The following PRR33 variants were observed in gnomAD, a reference collection of about 807,000 sequenced individuals.
PRR33 encodes proline rich 33, also known as proline-rich protein 33.
PRR33 carries 1 observed loss-of-function variant against 0.5 expected under a neutral mutation model. That is an observed-to-expected ratio of 2.18 (90% CI 0.77 to 10.34). PRR33 has a LOEUF of 10.34. PRR33 is among the 30% of genes most tolerant of loss of function. The pLI is 0.13. For missense variants in PRR33, 552 were observed against 251.8 expected, an observed-to-expected ratio of 2.19 and a Z score of -8.07; for synonymous variants, 226 against 110.0, an observed-to-expected ratio of 2.06 and a Z score of -6.60.
At chr11:1,913,183 T>C in the PRR33 span, among the ~76,000 whole-genome samples, 1 of 152,172 alleles carries the variant, frequency 6.6e-6, no homozygotes, top group South Asian at 2.1e-4. Flanking sequence ...CAGGCTGGAG[T>C]GCAGTGGCAC....
At chr11:1,913,097 T>C in the PRR33 span, among the ~76,000 whole-genome samples, 1 of 151,898 alleles carries the variant, frequency 6.6e-6, no homozygotes, top group Admixed American at 6.6e-5. Context: ...TGTTCTGGGG[T>C]AATCCATACT....
At chr11:1,889,191 T>C in exon 1 of PRR33, 1 of 675,188 alleles carries the variant, frequency 1.5e-6, no homozygotes, top group Non-Finnish European at 2.7e-6. Context: ...GTTCTTGGGC[T>C]GGGGGCTCAG....
chr11:1,903,218 T>C, the PRR33 span: 2 of 150,744 alleles, frequency 1.3e-5, no homozygotes, highest in Admixed American at 6.6e-5. Flanking sequence ...ACACAGCCTC[T>C]GCCTCCCGCC....
At chr11:1,914,250 G>A in the PRR33 span, among the ~76,000 whole-genome samples, 8 of 149,812 alleles carry the variant, frequency 5.3e-5, no homozygotes, top group East Asian at 1.4e-3. Context: ...TGTGTTGTAG[G>A]GTCACACATC....
exon 1 of PRR33, chr11:1,890,088 C>T: frequency 1.4e-6 from 1 of 716,078 alleles, no homozygotes; most frequent in Non-Finnish European, 2.6e-6. Context: ...AGGGACGAAG[C>T]CACTGGGGGG....
the PRR33 span, among the ~76,000 whole-genome samples, chr11:1,905,043 C>CTTCT: frequency 4.6e-5 from 7 of 151,192 alleles, no homozygotes; most frequent in Non-Finnish European, 8.8e-5. Context: ...TATTTCCTTT[C>CTTCT]TTCTGCCCAC....
At chr11:1,890,953 A>G (rs1848975171) in exon 1 of PRR33, 3 of 208,564 alleles carry the variant, frequency 1.4e-5, no homozygotes, top group Non-Finnish European at 9.8e-6. Flanking sequence ...GGAGACGGAG[A>G]CGCGGGTGAG....
chr11:1,890,094 G>A (rs936989768), exon 1 of PRR33: 2 of 716,488 alleles, frequency 2.8e-6, no homozygotes, highest in Admixed American at 4.0e-5. Flanking sequence ...GAAGCCACTG[G>A]GGGGCCGGGT....
At chr11:1,905,823 C>T in the PRR33 span, among the ~76,000 whole-genome samples, 1 of 151,668 alleles carries the variant, frequency 6.6e-6, no homozygotes, top group Non-Finnish European at 1.5e-5. Flanking sequence ...ACAACCTCTG[C>T]TTTCTTTTTG....
the PRR33 span, among the ~76,000 whole-genome samples, chr11:1,898,258 C>G: frequency 6.6e-6 from 1 of 150,962 alleles, no homozygotes; most frequent in Non-Finnish European, 1.5e-5. Flanking sequence ...TTTTTGAGAC[C>G]GAGTCTCGCT....
chr11:1,894,982 C>G (rs778299525), upstream of PRR33, among the ~76,000 whole-genome samples: 1 of 152,206 alleles, frequency 6.6e-6, no homozygotes, highest in Non-Finnish European at 1.5e-5. Flanking sequence ...TTTTGGCTTG[C>G]GTGTCTCCCG....
chr11:1,896,610 T>G (rs540991796), upstream of PRR33, among the ~76,000 whole-genome samples: 10 of 152,372 alleles, frequency 6.6e-5, no homozygotes, highest in South Asian at 2.1e-3. Flanking sequence ...CTTTTTCCTT[T>G]CTCGTCTGTA....
chr11:1,909,683 G>A, the PRR33 span, among the ~76,000 whole-genome samples: 1 of 152,060 alleles, frequency 6.6e-6, no homozygotes, highest in Non-Finnish European at 1.5e-5. Flanking sequence ...AGGAGGCTGA[G>A]ATGGGAGGAT....
At chr11:1,898,064 CCTCCATGTG>C in the PRR33 span, among the ~76,000 whole-genome samples, 1 of 152,152 alleles carries the variant, frequency 6.6e-6, no homozygotes, top group African/African-American at 2.4e-5. Context: ...CTGATACATT[CCTCCATGTG>C]CCACAAGAAG....
chr11:1,915,945 A>C, the PRR33 span, among the ~76,000 whole-genome samples: 2 of 148,176 alleles, frequency 1.3e-5, no homozygotes, highest in African/African-American at 5.0e-5. Flanking sequence ...GGATGGATGG[A>C]TGGCGGGAGG....
upstream of PRR33, among the ~76,000 whole-genome samples, chr11:1,896,082 C>T (rs1466785373): frequency 2.6e-5 from 4 of 152,262 alleles, no homozygotes; most frequent in Middle Eastern, 3.4e-3. Flanking sequence ...AATATTTTTA[C>T]ACCAGTATCA....
At chr11:1,908,694 C>G in the PRR33 span, among the ~76,000 whole-genome samples, 1 of 152,204 alleles carries the variant, frequency 6.6e-6, no homozygotes, top group Non-Finnish European at 1.5e-5. Context: ...TCTGAAAACT[C>G]TTCCGCCGAC....
At chr11:1,917,525 GC>G in the PRR33 span, among the ~76,000 whole-genome samples, 1 of 152,208 alleles carries the variant, frequency 6.6e-6, no homozygotes, top group Non-Finnish European at 1.5e-5. Flanking sequence ...CCCAGGCTGG[GC>G]CTCCCTTGTG....
the PRR33 span, among the ~76,000 whole-genome samples, chr11:1,907,346 C>T: frequency 2.0e-5 from 3 of 152,214 alleles, no homozygotes; most frequent in African/African-American, 7.2e-5. Context: ...CATGTTTCCA[C>T]TGTTCTAAAG....
Sources: gnomAD v4.1 joint callset for allele counts (sites outside exome capture counted in the v4.1 genomes callset) on GRCh38, gnomAD v4.1.1 for gene constraint, MANE v1.5 for transcripts, NCBI Gene and HGNC (gene_info 2026-07-23, HGNC 2026-07-21) for gene names.